Variants in DST observed in about 807,000 individuals in gnomAD.
DST encodes dystonin, also known as bullous pemphigoid antigen.
A neutral mutation model predicts 875.2 loss-of-function variants in DST; 253 were observed. The ratio of observed to expected loss-of-function variants is 0.29; its 90% CI spans 0.26 to 0.32. The LOEUF (loss-of-function observed/expected upper bound fraction) is 0.32. DST is among the 10% of genes least tolerant of loss of function. The pLI is 1.00. For synonymous variants in DST, 3,124 were observed against 3,197.1 expected (o/e 0.98, Z 0.77); for missense variants, 8,287 against 9,111.6 (o/e 0.91, Z 3.68).
chr6:56,683,820 A>G (rs907392644), intron 9 of DST, among the ~76,000 whole-genome samples: 1 of 152,230 alleles, frequency 6.6e-6, no homozygotes, highest in Non-Finnish European at 1.5e-5. Flanking sequence ...CCAATGCACA[A>G]AAGTGTCCAA....
At chr6:56,478,467 C>G (rs1178835945) in intron 90 of DST, among the ~76,000 whole-genome samples, 1 of 152,170 alleles carries the variant, frequency 6.6e-6, no homozygotes, top group Non-Finnish European at 1.5e-5. Context: ...GCGGAATGAA[C>G]AAAGCCTTGA....
chr6:56,818,067 A>C (rs949839812), intron 4 of DST, among the ~76,000 whole-genome samples: 1 of 152,200 alleles, frequency 6.6e-6, no homozygotes, highest in Non-Finnish European at 1.5e-5. Context: ...CTGAAAATGC[A>C]AGGAAATGAA....
At chr6:56,751,978 A>G (rs753060410) in intron 4 of DST, among the ~76,000 whole-genome samples, 8 of 152,216 alleles carry the variant, frequency 5.3e-5, no homozygotes, top group African/African-American at 9.7e-5. Flanking sequence ...ACAAATCTCT[A>G]TAAGTTAATA....
intron 32 of DST, among the ~76,000 whole-genome samples, 153 bp from the exon 33 acceptor site, chr6:56,628,314 G>C (rs1451446940): frequency 6.6e-6 from 1 of 152,130 alleles, no homozygotes. Context: ...GCACCCTGAG[G>C]CACACCCCCA....
chr6:56,899,781 T>A (rs1562333916), intron 3 of DST, among the ~76,000 whole-genome samples: 1 of 152,138 alleles, frequency 6.6e-6, no homozygotes, highest in Non-Finnish European at 1.5e-5. Context: ...GTGCTCAGGA[T>A]GTGAGAAGGG....
intron 4 of DST, among the ~76,000 whole-genome samples, chr6:56,764,761 C>A (rs562030391): frequency 6.6e-6 from 1 of 152,162 alleles, no homozygotes; most frequent in East Asian, 1.9e-4. Flanking sequence ...AGGTCAAGAC[C>A]AGGCTGGCCA....
intron 5 of DST, among the ~76,000 whole-genome samples, chr6:56,705,778 C>G (rs1392259411): frequency 6.6e-6 from 1 of 152,142 alleles, no homozygotes; most frequent in Non-Finnish European, 1.5e-5. Flanking sequence ...AGCTCTACCA[C>G]AAAGTAACTG....
chr6:56,852,402 C>T (rs1016251088), intron 3 of DST, among the ~76,000 whole-genome samples: 24 of 152,342 alleles, frequency 1.6e-4, no homozygotes, highest in Non-Finnish European at 2.5e-4. Flanking sequence ...AAACAGAGCT[C>T]TTCTCAGCTC....
chr6:56,947,606 G>A (rs549637608), intron 2 of DST, among the ~76,000 whole-genome samples: 1 of 152,284 alleles, frequency 6.6e-6, no homozygotes, highest in Non-Finnish European at 1.5e-5. Context: ...ATAAAATAAT[G>A]TTATGTCAAA....
At chr6:56,464,807 G>A (rs2152382893) in intron 99 of DST, 51 bp from the exon 100 acceptor site, 1 of 1,382,548 alleles carries the variant, frequency 7.2e-7, no homozygotes, top group Non-Finnish European at 1.0e-6. Flanking sequence ...ACTGTTAGCA[G>A]AAGAAGAAAC....
intron 2 of DST, among the ~76,000 whole-genome samples, chr6:56,943,422 TTC>T (rs1817726102): frequency 6.6e-6 from 1 of 151,610 alleles, no homozygotes; most frequent in Non-Finnish European, 1.5e-5. Context: ...CATTTTCTTT[TTC>T]TTTTTCTTTT....
rs759930617 is a variant in DST, at chr6:56,552,869, C to A, written c.15923G>T (p.Ser5308Ile). 1.2e-6 allele frequency: 2 copies of A among 1,613,770 alleles called. No homozygotes were observed. Among genetic ancestry groups the A allele is most frequent in the Non-Finnish European group, 8.5e-7 (1 of 1,179,898 alleles). ...IHDSLGSQAYSNKYLTMLQTQ... is the reference protein window; with the variant it reads ...IHDSLGSQAYINKYLTMLQTQ... ...TTGCAACATGGTCAGGTATTTGTTACTGTAAGCCTGGGATCCCAGCGAATC... is the reference window on the plus strand; with the variant it reads ...TTGCAACATGGTCAGGTATTTGTTAATGTAAGCCTGGGATCCCAGCGAATC... The change falls in exon 61 of 104, where the codon AGT becomes ATT. Residue 5308 changes from serine to isoleucine, a missense_variant. Ser to Ile is a moderately radical substitution (Grantham distance 142). Around this residue, in one of 10 missense-constraint regions of DST, gnomAD observed 1,513 missense variants for 1,677.8 expected, o/e 0.90. Coordinates refer to ENST00000680361, the MANE Select transcript of DST (RefSeq NM_001374736.1).
Position 56,570,021 on chromosome 6 carries a change from C to CA in DST, c.13722-10dup. 1 of 1,552,208 alleles carries CA rather than the reference C, an allele frequency of 6.4e-7. No individual in the cohort carries two copies. The highest frequency in any genetic ancestry group is 8.7e-7 in the Non-Finnish European group (1 of 1,151,340). ...AAGTTACAGCTTCTTTTCTACATAA[C>CA]AAAAATCATACAAGAATTTAAGTCA... On this transcript the variant is annotated splice_polypyrimidine_tract_variant and intron_variant, in intron 53 of 103. Coordinates refer to ENST00000680361, the MANE Select transcript of DST (RefSeq NM_001374736.1).
rs2098332328 is a variant in DST, at chr6:56,594,177, A to C, written c.12212T>G (p.Ile4071Ser). 6.5e-7 allele frequency: 1 copy of C among 1,530,336 alleles called. No homozygotes were observed. The highest frequency in any genetic ancestry group is 8.7e-7 in the Non-Finnish European group (1 of 1,144,664). The allele number at this position is 1,530,336 out of a possible 1,614,324, so 94.8% of individuals were successfully genotyped here. Reference protein sequence around the residue: ...YQKVKAQHEKIISQHQAVIIA... With the variant: ...YQKVKAQHEKSISQHQAVIIA... ...GATCACTGCTTGGTGCTGAGAGATG[A>C]TCTTCTCGTGTTGGGCCTATGTGAA... The change falls in exon 48 of 104, where the codon ATC becomes AGC. Residue 4071 changes from isoleucine (I) to serine (S), a missense_variant. Physicochemically the swap from Ile to Ser is moderately radical, Grantham distance 142 (BLOSUM62 -2). Coordinates refer to ENST00000680361, the MANE Select transcript of DST (RefSeq NM_001374736.1).
At position 56,555,584 on chromosome 6, in the gene DST, A is replaced by C. The variant is rs376898741; in HGVS notation, c.14897T>G (p.Leu4966Trp). The change falls in exon 60 of 104, where the codon TTG becomes TGG. Residue 4966 changes from leucine to tryptophan, a missense_variant. Transcript: ENST00000680361. ...LRSLSDKLSDLDNKLSSSLAV... is the reference protein window; with the variant it reads ...LRSLSDKLSDWDNKLSSSLAV... ...CAGACTGCTGCTGAGTTTATTATCC[A>C]AGTCACTCAGTTTATCAGAAAGGCT... is the stretch of plus-strand genomic sequence containing the variant. 11 of 1,613,862 alleles carry C rather than the reference A, an allele frequency of 6.8e-6. No homozygotes were observed. In the Admixed American group the frequency reaches 1.2e-4, roughly 17 times the overall value.
Position 56,608,153 on chromosome 6 carries a change from C to G in DST, c.6475G>C (p.Ala2159Pro). Residue 2159 changes from alanine to proline, a missense_variant, in exon 40 of 104, where the codon GCC becomes CCC. Physicochemically the swap from Ala to Pro is conservative, Grantham distance 27 (BLOSUM62 -1). Coordinates refer to ENST00000680361, the MANE Select transcript of DST (RefSeq NM_001374736.1). Reference sequence around the variant, plus strand: ...TTACAAAAAGAGAGCCATCTTCTGGCATTTTTACAAGCTTCTAAATCTCCT... The same window carrying G: ...TTACAAAAAGAGAGCCATCTTCTGGGATTTTTACAAGCTTCTAAATCTCCT... ...DLGDLEACKN[A>P]RRWLSFCKFQ... The G allele has an allele frequency of 6.2e-7, 1 of 1,613,728 alleles. No individual in the cohort carries two copies. Among genetic ancestry groups the G allele is most frequent in the Non-Finnish European group, 8.5e-7 (1 of 1,179,736 alleles).
At chr6:56,927,868 G>A (rs1808025174) in intron 2 of DST, among the ~76,000 whole-genome samples, 1 of 152,184 alleles carries the variant, frequency 6.6e-6, no homozygotes, top group Non-Finnish European at 1.5e-5. Context: ...CTAGGACACT[G>A]AGCAACCTGC....
At chr6:56,654,763 T>G (rs940990721) in intron 10 of DST, among the ~76,000 whole-genome samples, 1 of 152,000 alleles carries the variant, frequency 6.6e-6, no homozygotes, top group East Asian at 1.9e-4. Context: ...CATAGATACC[T>G]CCAAGGTAAC....
intron 4 of DST, among the ~76,000 whole-genome samples, chr6:56,776,501 G>C (rs1481701689): frequency 6.6e-6 from 1 of 152,192 alleles, no homozygotes; most frequent in Non-Finnish European, 1.5e-5. Context: ...AACAGGGGAA[G>C]TTGGACACAG....
Sources: gnomAD v4.1 joint callset for allele counts (sites outside exome capture counted in the v4.1 genomes callset) on GRCh38, gnomAD v4.1.1 for gene constraint, gnomAD v4.1.1 regional missense constraint, MANE v1.5 for transcripts, NCBI Gene and HGNC (gene_info 2026-07-23, HGNC 2026-07-21) for gene names.